The following CADPS2 variants were observed in gnomAD, a reference collection of about 807,000 sequenced individuals.
CADPS2 encodes calcium-dependent secretion activator 2.
In CADPS2, 93 loss-of-function variants were observed where a neutral mutation model predicts 172.5. The observed-to-expected ratio is 0.54, with a 90% CI of 0.46 to 0.64. CADPS2 has a LOEUF of 0.64. Among genes scored for constraint, CADPS2 ranks in the 30% least tolerant of loss-of-function variants. The pLI is 0.00. For missense variants in CADPS2, 1,420 were observed against 1,565.9 expected (o/e 0.91, Z 1.57); for synonymous variants, 546 against 555.2 (o/e 0.98, Z 0.23).
intron 6 of CADPS2, among the ~76,000 whole-genome samples, chr7:122,605,454 A>G: frequency 6.6e-6 from 1 of 152,118 alleles, no homozygotes; most frequent in Non-Finnish European, 1.5e-5. Context: ...GTGTATGACT[A>G]TTTTATAGCA....
At chr7:122,519,506 C>T (rs936181040) in intron 8 of CADPS2, among the ~76,000 whole-genome samples, 1 of 152,032 alleles carries the variant, frequency 6.6e-6, no homozygotes. Context: ...AGCCTTGAAG[C>T]ATTTAGTTCT....
intron 7 of CADPS2, among the ~76,000 whole-genome samples, chr7:122,566,877 C>T (rs1471688958): frequency 1.3e-5 from 2 of 152,190 alleles, no homozygotes; most frequent in Admixed American, 1.3e-4. Context: ...ATCCCTCCAA[C>T]ATTAATTGGA....
intron 8 of CADPS2, among the ~76,000 whole-genome samples, chr7:122,529,659 T>A (rs1313338293): frequency 6.6e-6 from 1 of 152,120 alleles, no homozygotes; most frequent in Non-Finnish European, 1.5e-5. Flanking sequence ...GTCTTTTGGA[T>A]GGCACCATCT....
At chr7:122,553,496 T>C (rs1324520560) in intron 8 of CADPS2, among the ~76,000 whole-genome samples, 1 of 152,160 alleles carries the variant, frequency 6.6e-6, no homozygotes, top group Non-Finnish European at 1.5e-5. Flanking sequence ...TTTTTCCCTT[T>C]GGTGAGGTCT....
chr7:122,500,020 G>A (rs891466042), intron 9 of CADPS2, among the ~76,000 whole-genome samples: 7 of 152,116 alleles, frequency 4.6e-5, no homozygotes, highest in African/African-American at 1.7e-4. Flanking sequence ...ATGACTAGCT[G>A]CAATCTATAG....
At chr7:122,574,829 T>C (rs1450872775) in intron 7 of CADPS2, among the ~76,000 whole-genome samples, 1 of 151,894 alleles carries the variant, frequency 6.6e-6, no homozygotes, top group Non-Finnish European at 1.5e-5. Context: ...AAACACTGAG[T>C]GAAAGGTGGT....
chr7:122,649,284 G>A (rs777816298), intron 3 of CADPS2, among the ~76,000 whole-genome samples: 9 of 151,958 alleles, frequency 5.9e-5, no homozygotes, highest in Non-Finnish European at 1.0e-4. Context: ...CCAAAACTCA[G>A]AATTACTGTT....
At chr7:122,757,999 A>T (rs1455151627) in intron 1 of CADPS2, among the ~76,000 whole-genome samples, 2 of 152,178 alleles carry the variant, frequency 1.3e-5, no homozygotes, top group Non-Finnish European at 2.9e-5. Flanking sequence ...TTTCCTACCT[A>T]AAATGCTAAA....
At chr7:122,721,877 C>T (rs964683366) in intron 2 of CADPS2, among the ~76,000 whole-genome samples, 10 of 152,268 alleles carry the variant, frequency 6.6e-5, no homozygotes, top group African/African-American at 2.4e-4. Context: ...GGATACAAGG[C>T]TGGTTCAATA....
intron 6 of CADPS2, among the ~76,000 whole-genome samples, chr7:122,606,645 C>T (rs1287989205): frequency 3.3e-5 from 5 of 151,918 alleles, no homozygotes; most frequent in Admixed American, 2.0e-4. Context: ...AGTCTGAGAC[C>T]GACTGAGAGG....
intron 14 of CADPS2, among the ~76,000 whole-genome samples, chr7:122,456,219 A>G (rs1225032456): frequency 6.6e-6 from 1 of 152,078 alleles, no homozygotes; most frequent in Non-Finnish European, 1.5e-5. Context: ...TTAGATATAA[A>G]TAAACATAAT....
At chr7:122,356,739 G>C (rs1041662793) in intron 27 of CADPS2, among the ~76,000 whole-genome samples, 1 of 151,970 alleles carries the variant, frequency 6.6e-6, no homozygotes, top group Non-Finnish European at 1.5e-5. Flanking sequence ...TTACATATTT[G>C]CTCGCTCAAA....
At chr7:122,818,674 C>G (rs146435415) in intron 1 of CADPS2, among the ~76,000 whole-genome samples, 2,466 of 152,246 alleles carry the variant, frequency 0.016, 65 homozygotes, top group African/African-American at 0.056. Flanking sequence ...TTTATCACCT[C>G]CCCTCCTCAC....
chr7:122,692,765 G>A (rs577148247), intron 2 of CADPS2, among the ~76,000 whole-genome samples: 2 of 152,214 alleles, frequency 1.3e-5, no homozygotes, highest in South Asian at 2.1e-4. Context: ...AAGAACACTC[G>A]GGGCCGTAAG....
At chr7:122,535,695 T>C (rs894272523) in intron 8 of CADPS2, among the ~76,000 whole-genome samples, 12 of 152,088 alleles carry the variant, frequency 7.9e-5, no homozygotes, top group South Asian at 4.1e-4. Context: ...ATTTGGATTT[T>C]TGATAATAAC....
intron 8 of CADPS2, among the ~76,000 whole-genome samples, chr7:122,517,911 G>A (rs1236710134): frequency 6.6e-6 from 1 of 151,858 alleles, no homozygotes; most frequent in African/African-American, 2.4e-5. Flanking sequence ...AACTAAAAAA[G>A]CATTTTCTCC....
At chr7:122,843,270 T>C (rs953085144) in intron 1 of CADPS2, among the ~76,000 whole-genome samples, 4 of 152,130 alleles carry the variant, frequency 2.6e-5, no homozygotes, top group Admixed American at 2.6e-4. Flanking sequence ...AATCACATAG[T>C]AGATGAAATT....
chr7:122,530,256 T>C (rs1245933637), intron 8 of CADPS2, among the ~76,000 whole-genome samples: 2 of 150,616 alleles, frequency 1.3e-5, no homozygotes, highest in African/African-American at 4.9e-5. Flanking sequence ...CAAATTTCAA[T>C]ATAGTTTTCA....
chr7:122,683,380 G>GA (rs2083270689), intron 2 of CADPS2, among the ~76,000 whole-genome samples: 1 of 152,154 alleles, frequency 6.6e-6, no homozygotes, highest in African/African-American at 2.4e-5. Context: ...ATTTGGGTGG[G>GA]AAAACCAAGA....
Sources: gnomAD v4.1 joint callset for allele counts (sites outside exome capture counted in the v4.1 genomes callset) on GRCh38, gnomAD v4.1.1 for gene constraint, MANE v1.5 for transcripts, NCBI Gene and HGNC (gene_info 2026-07-23, HGNC 2026-07-21) for gene names.